Variants in VRK2 observed in about 807,000 individuals in gnomAD.
VRK2 encodes serine/threonine-protein kinase VRK2.
Under a neutral mutation model 57.6 loss-of-function variants are expected in VRK2, and 60 were observed. That is an observed-to-expected ratio of 1.04 (90% CI 0.85 to 1.29). The LOEUF (loss-of-function observed/expected upper bound fraction) is 1.29, where lower values mean the gene tolerates loss of function less well. Among genes scored for constraint, VRK2 ranks in the 50% most tolerant of loss-of-function variants. VRK2 has a pLI of 0.00. For synonymous variants in VRK2, 231 were observed against 199.2 expected (o/e 1.16, Z -1.35); for missense variants, 705 against 588.1 (o/e 1.20, Z -2.06).
intron 9 of VRK2, among the ~76,000 whole-genome samples, chr2:58,134,340 G>A (rs967523771): frequency 9.9e-5 from 15 of 152,068 alleles, no homozygotes; most frequent in East Asian, 1.9e-4. Flanking sequence ...GGCCGGGCGC[G>A]GTGGCTCACG....
At chr2:58,009,665 A>T (rs1394789113) in intron 1 of VRK2, among the ~76,000 whole-genome samples, 2 of 151,568 alleles carry the variant, frequency 1.3e-5, no homozygotes, top group Non-Finnish European at 2.9e-5. Flanking sequence ...TCTTTCTGTC[A>T]TTCAACATAT....
chr2:57,912,829 T>C (rs375141938), intron 1 of VRK2, among the ~76,000 whole-genome samples: 4 of 152,194 alleles, frequency 2.6e-5, no homozygotes, highest in African/African-American at 9.7e-5. Context: ...CCGAGATTCA[T>C]ATATTAAAAC....
intron 7 of VRK2, among the ~76,000 whole-genome samples, chr2:58,098,638 A>G (rs1003299474): frequency 6.6e-6 from 1 of 152,074 alleles, no homozygotes; most frequent in Non-Finnish European, 1.5e-5. Context: ...TGTACCATAT[A>G]GCCTAGGTGT....
At chr2:58,151,399 T>G (rs1683002113) in intron 12 of VRK2, among the ~76,000 whole-genome samples, 1 of 151,856 alleles carries the variant, frequency 6.6e-6, no homozygotes, top group Non-Finnish European at 1.5e-5. Flanking sequence ...ATTCCAGCCT[T>G]CCTATGATTA....
chr2:58,067,231 A>G (rs1558588924), intron 2 of VRK2, among the ~76,000 whole-genome samples: 1 of 152,100 alleles, frequency 6.6e-6, no homozygotes, highest in Non-Finnish European at 1.5e-5. Flanking sequence ...GCTTCCCTGC[A>G]TTTGAGGTTT....
chr2:58,127,921 T>C (rs769066107), intron 8 of VRK2, among the ~76,000 whole-genome samples: 64 of 152,234 alleles, frequency 4.2e-4, no homozygotes, highest in Admixed American at 2.6e-4. Context: ...TTTCTCCCAA[T>C]TCCTCTTTCA....
intron 8 of VRK2, among the ~76,000 whole-genome samples, chr2:58,126,095 C>T (rs935847217): frequency 6.6e-6 from 1 of 151,222 alleles, no homozygotes; most frequent in Non-Finnish European, 1.5e-5. Context: ...TTCAGTCCAA[C>T]TATGAGATCA....
At chr2:58,120,133 A>G (rs542281047) in intron 7 of VRK2, among the ~76,000 whole-genome samples, 1 of 149,338 alleles carries the variant, frequency 6.7e-6, no homozygotes, top group Admixed American at 6.7e-5. Flanking sequence ...GTAAATAGCT[A>G]ATGTATGTCT....
chr2:58,081,288 AAC>A (rs1245355763), intron 2 of VRK2, among the ~76,000 whole-genome samples: 1 of 151,866 alleles, frequency 6.6e-6, no homozygotes, highest in African/African-American at 2.4e-5. Flanking sequence ...AAGCAATAAA[AAC>A]TGTGTCATAA....
intron 1 of VRK2, among the ~76,000 whole-genome samples, chr2:57,975,638 T>G (rs1257830967): frequency 1.3e-5 from 2 of 152,008 alleles, no homozygotes; most frequent in Non-Finnish European, 2.9e-5. Context: ...TTTCAGGCCT[T>G]GTACTCCTCC....
At chr2:57,966,378 A>G (rs1411089126) in intron 1 of VRK2, among the ~76,000 whole-genome samples, 2 of 152,196 alleles carry the variant, frequency 1.3e-5, no homozygotes, top group Non-Finnish European at 2.9e-5. Flanking sequence ...TAATTTGTTC[A>G]GTATCATGAG....
At chr2:58,003,373 T>C (rs1443840782) in intron 1 of VRK2, among the ~76,000 whole-genome samples, 1 of 152,174 alleles carries the variant, frequency 6.6e-6, no homozygotes, top group Admixed American at 6.5e-5. Context: ...ATTTTTTTGT[T>C]TTTAAAACAC....
intron 1 of VRK2, among the ~76,000 whole-genome samples, chr2:57,927,992 T>G (rs1670596709): frequency 6.6e-6 from 1 of 152,166 alleles, no homozygotes; most frequent in Admixed American, 6.5e-5. Flanking sequence ...TCTTTGAGAG[T>G]TTAATTATTA....
intron 1 of VRK2, among the ~76,000 whole-genome samples, chr2:57,916,346 C>T (rs955570169): frequency 6.8e-6 from 1 of 147,126 alleles, no homozygotes; most frequent in African/African-American, 2.5e-5. Flanking sequence ...GCTGAGGTTG[C>T]GGTGAGCTGA....
At chr2:58,020,222 G>T (rs968970720) in intron 1 of VRK2, among the ~76,000 whole-genome samples, 1 of 152,128 alleles carries the variant, frequency 6.6e-6, no homozygotes, top group Admixed American at 6.5e-5. Flanking sequence ...AAACTGTTTT[G>T]TTTTTAGAGA....
At chr2:58,136,912 TATCATATATGTG>T (rs1264606991) in intron 10 of VRK2, among the ~76,000 whole-genome samples, 20 of 123,528 alleles carry the variant, frequency 1.6e-4, no homozygotes, top group African/African-American at 5.6e-4. Context: ...ATCATATATA[TATCATATATGTG>T]TATATATCAT....
intron 7 of VRK2, among the ~76,000 whole-genome samples, chr2:58,110,260 A>G (rs1252164661): frequency 1.3e-5 from 2 of 152,230 alleles, no homozygotes; most frequent in African/African-American, 4.8e-5. Flanking sequence ...GAACATGTAT[A>G]TACATGTATG....
At chr2:58,132,231 C>G (rs1421001636) in intron 9 of VRK2, among the ~76,000 whole-genome samples, 1 of 152,052 alleles carries the variant, frequency 6.6e-6, no homozygotes, top group East Asian at 1.9e-4. Context: ...AGAATATTTT[C>G]AAATTAGCAT....
chr2:57,969,244 T>C (rs1672016822), intron 1 of VRK2, among the ~76,000 whole-genome samples: 1 of 152,008 alleles, frequency 6.6e-6, no homozygotes, highest in South Asian at 2.1e-4. Context: ...GGATAATGTA[T>C]TGGGAACTAA....
Sources: gnomAD v4.1 joint callset for allele counts (sites outside exome capture counted in the v4.1 genomes callset) on GRCh38, gnomAD v4.1.1 for gene constraint, MANE v1.5 for transcripts, NCBI Gene and HGNC (gene_info 2026-07-23, HGNC 2026-07-21) for gene names.